BRAF: variants seen among roughly 807,000 people sequenced by gnomAD.
BRAF encodes the protein B-Raf proto-oncogene, serine/threonine kinase, also known as serine/threonine-protein kinase B-raf.
In BRAF, 16 loss-of-function variants were observed where a neutral mutation model predicts 104.6. The ratio of observed to expected loss-of-function variants is 0.15; its 90% confidence interval spans 0.10 to 0.23. BRAF has a LOEUF of 0.23. Ranked by LOEUF, BRAF falls within the 10% of genes least tolerant of loss-of-function variation. BRAF has a pLI of 1.00. For missense variants in BRAF, 541 were observed against 937.3 expected (o/e 0.58, Z 5.52); for synonymous variants, 310 against 341.6 (o/e 0.91, Z 1.02).
chr7:140,841,104 T>C (rs984579061), intron 2 of BRAF, among the ~76,000 whole-genome samples: 1 of 152,052 alleles, frequency 6.6e-6, no homozygotes, highest in African/African-American at 2.4e-5. Context: ...CCAAAGAAGA[T>C]ATACAAATGG....
intron 1 of BRAF, among the ~76,000 whole-genome samples, chr7:140,899,371 T>C (rs1006601931): frequency 6.6e-6 from 1 of 152,218 alleles, no homozygotes; most frequent in African/African-American, 2.4e-5. Context: ...ACCATTAGTC[T>C]AGGGCAAACG....
chr7:140,808,035 A>T lies in BRAF; in HGVS notation c.636T>A (p.Thr212=). 1 of 1,613,228 alleles carries T rather than the reference A, an allele frequency of 6.2e-7. No homozygotes were observed. The highest frequency in any genetic ancestry group is 2.2e-5 in the East Asian group (1 of 44,806). ...CTTCTCCAGTAAGCCAGGAAATATC[A>T]GTGTCCCAACCAATTGGTTTCTTCT... is the stretch of plus-strand genomic sequence containing the variant. ...DGEKKPIGWD[T]DISWLTGEEL... Residue 212 remains threonine (T), a synonymous_variant, in exon 5 of 20, where the codon ACT becomes ACA. Transcript: ENST00000644969.
At chr7:140,824,306 T>C (rs1269107454) in intron 3 of BRAF, 1 of 152,198 alleles carries the variant, frequency 6.6e-6, no homozygotes, top group Non-Finnish European at 1.5e-5. Flanking sequence ...CTTTGATCCA[T>C]TTTGGGTTAT....
chr7:140,854,722 G>T (rs2129077468), intron 1 of BRAF, among the ~76,000 whole-genome samples: 1 of 152,168 alleles, frequency 6.6e-6, no homozygotes, highest in African/African-American at 2.4e-5. Context: ...GAGGCGGGTG[G>T]ATCACTTGAG....
intron 2 of BRAF, among the ~76,000 whole-genome samples, chr7:140,840,905 G>C (rs1807893351): frequency 6.6e-6 from 1 of 151,670 alleles, no homozygotes; most frequent in Non-Finnish European, 1.5e-5. Context: ...TGTAGAGACG[G>C]GGTTTCGCCA....
intron 19 of BRAF, among the ~76,000 whole-genome samples, chr7:140,728,478 G>A (rs546874295): frequency 4.0e-5 from 6 of 151,316 alleles, no homozygotes; most frequent in South Asian, 2.1e-4. Flanking sequence ...TGAGTCCAAA[G>A]ATCAAGAAAG....
In BRAF at chr7:140,896,659, A is replaced by C. The variant is rs534247222; in HGVS notation, c.138+27907T>G. Among the ~76,000 whole-genome samples, 7 of 152,244 alleles carry C rather than the reference A, an allele frequency of 4.6e-5. No individual in the cohort carries two copies. The South Asian group carries it at 1.5e-3, about 32-fold the overall frequency. Reference sequence around the variant, plus strand: ...GGCAGGTGGATCACCTGAGGTCAGGAGTTCGAGACCAGCCTGACCAATATG... The same window carrying C: ...GGCAGGTGGATCACCTGAGGTCAGGCGTTCGAGACCAGCCTGACCAATATG... On this transcript the variant is annotated intron_variant, in intron 1 of 19. Transcript: ENST00000644969.
In BRAF at chr7:140,798,262, C is replaced by CTTTTTTTTTTT. The variant is rs1025673669; in HGVS notation, c.980+2099_980+2100insAAAAAAAAAAA. 4.0e-4 allele frequency among the ~76,000 whole-genome samples: 13 copies of CTTTTTTTTTTT among 32,602 alleles called. 2 individuals are homozygous for CTTTTTTTTTTT. Among genetic ancestry groups the CTTTTTTTTTTT allele is most frequent in the African/African-American group, 5.6e-4 (3 of 5,342 alleles). The allele number at this position is 32,602 out of a possible 152,430, so 21.4% of individuals were successfully genotyped here. A position where few individuals can be genotyped will look rare whatever the true frequency, so the allele number is the denominator to read the frequency against. On this transcript the variant is annotated intron_variant, in intron 7 of 19. Transcript: ENST00000644969. Reference sequence around the variant, plus strand: ...TCTAGGACAGAATGCTGTATGGGGACTTTTTTTTTCTTTTTTTTGAGACGG... The same window carrying CTTTTTTTTTTT: ...TCTAGGACAGAATGCTGTATGGGGACTTTTTTTTTTTTTTTTTTTTCTTTTTTTTGAGACGG...
chr7:140,775,200 T>A (rs184126625), intron 14 of BRAF, among the ~76,000 whole-genome samples: 93 of 152,098 alleles, frequency 6.1e-4, no homozygotes, highest in Middle Eastern at 3.4e-3. Context: ...AAAGAGAATA[T>A]AACAAACATA....
At chr7:140,905,468 T>C (rs1816198925) in intron 1 of BRAF, among the ~76,000 whole-genome samples, 1 of 152,248 alleles carries the variant, frequency 6.6e-6, no homozygotes, top group African/African-American at 2.4e-5. Context: ...TGCTAGAATA[T>C]GCATGGTATG....
At chr7:140,840,935 G>A (rs950627724) in intron 2 of BRAF, among the ~76,000 whole-genome samples, 1 of 151,618 alleles carries the variant, frequency 6.6e-6, no homozygotes, top group Non-Finnish European at 1.5e-5. Context: ...GGCTGATCTC[G>A]AACTCCTGGA....
chr7:140,911,352 T>C (rs1465259471), intron 1 of BRAF, among the ~76,000 whole-genome samples: 1 of 152,210 alleles, frequency 6.6e-6, no homozygotes, highest in African/African-American at 2.4e-5. Context: ...GGCTACTGTC[T>C]ACCATATTAA....
intron 14 of BRAF, among the ~76,000 whole-genome samples, chr7:140,763,167 C>T (rs529457832): frequency 8.6e-4 from 131 of 152,278 alleles, no homozygotes; most frequent in Non-Finnish European, 1.6e-3. Flanking sequence ...GGGCTCCTCA[C>T]TTCCCAGTAG....
At chr7:140,878,119 G>C (rs1354879200) in intron 1 of BRAF, among the ~76,000 whole-genome samples, 1 of 151,206 alleles carries the variant, frequency 6.6e-6, no homozygotes, top group Non-Finnish European at 1.5e-5. Flanking sequence ...GTCAAAAAAA[G>C]AAATCACAAG....
rs886574886 is a variant in BRAF, at chr7:140,835,192, T to C, written c.241-320A>G. ...CCACTTATATTTACCTTCCAAATCATGTCTAACGTAAGATAAAACACTGTA... is the reference window on the plus strand; with the variant it reads ...CCACTTATATTTACCTTCCAAATCACGTCTAACGTAAGATAAAACACTGTA... On this transcript the variant is annotated intron_variant, in intron 2 of 19. Transcript: ENST00000644969. The C allele has an allele frequency of 2.0e-5, 6 of 295,094 alleles. No individual in the cohort carries two copies. The South Asian group carries it at 2.9e-4, about 14-fold the overall frequency. 18.3% of individuals were successfully genotyped at this position (295,094 alleles called of 1,614,324 possible).
At chr7:140,811,155 T>G (rs945075764) in intron 3 of BRAF, among the ~76,000 whole-genome samples, 1 of 152,186 alleles carries the variant, frequency 6.6e-6, no homozygotes, top group Non-Finnish European at 1.5e-5. Flanking sequence ...AAAACAAGGT[T>G]ACGTATCGAC....
downstream of BRAF, among the ~76,000 whole-genome samples, chr7:140,714,419 G>A (rs1000836718): frequency 1.3e-5 from 2 of 152,182 alleles, no homozygotes; most frequent in African/African-American, 4.8e-5. Flanking sequence ...CCAGGCTGGA[G>A]GGGAGTGATG....
At chr7:140,815,294 C>T (rs1295403501) in intron 3 of BRAF, among the ~76,000 whole-genome samples, 6 of 151,896 alleles carry the variant, frequency 4.0e-5, no homozygotes, top group African/African-American at 9.7e-5. Context: ...TCTGCCACCA[C>T]GCCTGGCTAA....
intron 1 of BRAF, among the ~76,000 whole-genome samples, chr7:140,895,955 G>C (rs754973179): frequency 1.4e-4 from 22 of 152,122 alleles, no homozygotes; most frequent in Admixed American, 2.6e-4. Flanking sequence ...GGGATTGCTA[G>C]ATCACAGGAA....
Sources: gnomAD v4.1 joint callset for allele counts (sites outside exome capture counted in the v4.1 genomes callset) on GRCh38, gnomAD v4.1.1 for gene constraint, MANE v1.5 for transcripts, NCBI Gene and HGNC (gene_info 2026-07-23, HGNC 2026-07-21) for gene names.